The following SLC6A17 variants were observed in gnomAD, a reference collection of about 807,000 sequenced individuals.
The protein encoded by SLC6A17 is solute carrier family 6 member 17.
In SLC6A17, 21 loss-of-function variants were observed where a neutral mutation model predicts 64.5. That is an observed-to-expected ratio of 0.33 (90% CI 0.23 to 0.47). The LOEUF (loss-of-function observed/expected upper bound fraction) is 0.47, where lower values mean the gene tolerates loss of function less well. Ranked by LOEUF, SLC6A17 falls within the 20% of genes least tolerant of loss-of-function variation. SLC6A17 has a pLI of 1.00. For missense variants in SLC6A17, 682 were observed against 963.2 expected, an observed-to-expected ratio of 0.71 and a Z score of 3.86; for synonymous variants, 372 against 399.5, an observed-to-expected ratio of 0.93 and a Z score of 0.82.
chr1:110,188,477 AGAT>A (rs1442790619), intron 6 of SLC6A17, among the ~76,000 whole-genome samples: 1 of 152,208 alleles, frequency 6.6e-6, no homozygotes, highest in African/African-American at 2.4e-5. Flanking sequence ...CATCCCCAGC[AGAT>A]GATTTTGCCT....
intron 6 of SLC6A17, among the ~76,000 whole-genome samples, chr1:110,179,398 A>T (rs897060540): frequency 6.6e-6 from 1 of 152,218 alleles, no homozygotes; most frequent in Non-Finnish European, 1.5e-5. Context: ...CAAGCTGTAC[A>T]TGAAAATCCC....
At chr1:110,166,767 T>C in intron 1 of SLC6A17, 76 bp from the exon 2 acceptor site, 5 of 836,140 alleles carry the variant, frequency 6.0e-6, no homozygotes, top group Non-Finnish European at 8.9e-6. Context: ...GGAGTTAATT[T>C]GGGTTGTGTC....
At chr1:110,171,237 A>G (rs1451139359) in intron 2 of SLC6A17, among the ~76,000 whole-genome samples, 1 of 152,200 alleles carries the variant, frequency 6.6e-6, no homozygotes, top group African/African-American at 2.4e-5. Context: ...AGTGTTTGAC[A>G]GACAGGCAGG....
At chr1:110,173,889 C>G (rs12747833) in intron 3 of SLC6A17, 84 bp from the exon 4 acceptor site, 1 of 1,540,652 alleles carries the variant, frequency 6.5e-7, no homozygotes, top group African/African-American at 1.4e-5. Context: ...ATGGCGCTGC[C>G]GACGTGCTGG....
chr1:110,172,076 C>A lies in SLC6A17; in HGVS notation c.303C>A (p.Pro101=), dbSNP rs746434391. Residue 101 remains proline, a synonymous_variant, in exon 3 of 12, where the codon CCC becomes CCA. Coordinates refer to ENST00000331565, the MANE Select transcript of SLC6A17 (RefSeq NM_001010898.4). ...TCCCCACAGGTGCTTACCTGGTGCC[C>A]TACCTGGTGCTGCTGATCATCATCG... ...QKNGGGAYLV[P]YLVLLIIIGI... 3.7e-6 allele frequency: 6 copies of A among 1,614,002 alleles called. No homozygotes were observed. The highest frequency in any genetic ancestry group is 1.6e-4 in the Middle Eastern group (1 of 6,080).
At chr1:110,195,145 A>G (rs891778899) in intron 9 of SLC6A17, among the ~76,000 whole-genome samples, 3 of 152,096 alleles carry the variant, frequency 2.0e-5, no homozygotes, top group African/African-American at 7.2e-5. Flanking sequence ...GGCTGTGTCC[A>G]CAGTTCCCTT....
At chr1:110,185,621 G>T (rs1050657187) in intron 6 of SLC6A17, among the ~76,000 whole-genome samples, 16 of 152,338 alleles carry the variant, frequency 1.1e-4, no homozygotes, top group African/African-American at 3.6e-4. Flanking sequence ...CGAGGAGGGG[G>T]CGAGCCGCCT....
At chr1:110,188,156 A>G (rs567381272) in intron 6 of SLC6A17, among the ~76,000 whole-genome samples, 1 of 152,242 alleles carries the variant, frequency 6.6e-6, no homozygotes, top group Admixed American at 6.5e-5. Context: ...TGGGGGTGAT[A>G]TGTAATTAAG....
Position 110,197,471 on chromosome 1 carries a change from C to T in SLC6A17, c.1687C>T (p.Arg563Cys), listed in dbSNP as rs368410351. The T allele has an allele frequency of 1.6e-5, 26 of 1,613,320 alleles. No individual in the cohort carries two copies. Among genetic ancestry groups the T allele is most frequent in the Middle Eastern group, 3.3e-4 (2 of 6,080 alleles). Residue 563 changes from arginine (R) to cysteine (C), a missense_variant, in exon 11 of 12, where the codon CGC becomes TGC. By Grantham distance (180) the Arg-to-Cys change is radical (BLOSUM62 -3). Around this residue, in one of 3 missense-constraint regions of SLC6A17, gnomAD observed 264 missense variants for 339.5 expected, o/e 0.78. Transcript: ENST00000331565. Reference sequence around the variant, plus strand: ...GGAGCTGACGGAGATGCTGGGCTTCCGCCCCTACCGCTTCTATTTCTACAT... The same window carrying T: ...GGAGCTGACGGAGATGCTGGGCTTCTGCCCCTACCGCTTCTATTTCTACAT... ...MQELTEMLGF[R>C]PYRFYFYMWK...
At chr1:110,170,555 C>T (rs1656193734) in intron 2 of SLC6A17, among the ~76,000 whole-genome samples, 5 of 152,198 alleles carry the variant, frequency 3.3e-5, no homozygotes, top group Admixed American at 3.3e-4. Context: ...GCTTCTTTTC[C>T]ATTTCCCCAC....
intron 1 of SLC6A17, 119 bp from the exon 2 acceptor site, chr1:110,166,724 A>G: frequency 1.8e-6 from 1 of 552,734 alleles, no homozygotes; most frequent in Non-Finnish European, 3.1e-6. Flanking sequence ...AGCTGCATAT[A>G]TGAGGCCCTT....
intron 9 of SLC6A17, 98 bp downstream of exon 9, chr1:110,194,869 C>T (rs1252836719): frequency 2.8e-6 from 4 of 1,424,146 alleles, no homozygotes; most frequent in East Asian, 2.4e-5. Flanking sequence ...GACCCCACAC[C>T]CAGAAGGCTC....
chr1:110,176,849 T>C, intron 6 of SLC6A17, 110 bp downstream of exon 6: 6 of 954,328 alleles, frequency 6.3e-6, no homozygotes, highest in Non-Finnish European at 9.7e-6. Flanking sequence ...CTGCTATGTG[T>C]TGGGTATCGT....
intron 3 of SLC6A17, among the ~76,000 whole-genome samples, chr1:110,172,893 G>A (rs1008156264): frequency 1.3e-5 from 2 of 152,220 alleles, no homozygotes; most frequent in African/African-American, 4.8e-5. Context: ...AAGCCTACAG[G>A]GAACCATGCT....
In SLC6A17 at chr1:110,192,642, G is replaced by T; in HGVS notation, c.1243G>T (p.Asp415Tyr). The T allele has an allele frequency of 6.2e-7, 1 of 1,614,158 alleles. No individual in the cohort carries two copies. Among genetic ancestry groups the T allele is most frequent in the South Asian group, 1.1e-5 (1 of 91,068 alleles). The part of the protein sequence containing the change: ...MYNVIMTVKE[D>Y]QFSALGLDPC... ...CAATGTCATCATGACCGTGAAGGAG[G>T]ACCAGTTCTCAGCCCTGGGCCTTGA... The change falls in exon 8 of 12, where the codon GAC (aspartate) becomes TAC (tyrosine). Residue 415 changes from aspartate (D) to tyrosine (Y), a missense_variant. Around this residue, in one of 3 missense-constraint regions of SLC6A17, gnomAD observed 415 missense variants for 603.8 expected, o/e 0.69. Transcript: ENST00000331565. This position sits in a 1 kb window ranked among gnomAD's most constrained non-coding sequence, Gnocchi z 4.3.
At chr1:110,162,448 C>A (rs1043294584) in intron 1 of SLC6A17, among the ~76,000 whole-genome samples, 1 of 152,168 alleles carries the variant, frequency 6.6e-6, no homozygotes, top group African/African-American at 2.4e-5. Context: ...AACTGAGATC[C>A]GGAGAAGTTA....
intron 1 of SLC6A17, among the ~76,000 whole-genome samples, chr1:110,158,402 G>A (rs1204606841): frequency 6.6e-6 from 1 of 152,280 alleles, no homozygotes; most frequent in South Asian, 2.1e-4. Context: ...GGGCTTGCAC[G>A]TGCATGTCCC....
intron 6 of SLC6A17, among the ~76,000 whole-genome samples, chr1:110,190,602 C>T (rs1317394573): frequency 6.6e-6 from 1 of 152,192 alleles, no homozygotes; most frequent in Non-Finnish European, 1.5e-5. Flanking sequence ...TAGAGTCCAA[C>T]ACCTCACTGT....
chr1:110,159,795 A>T (rs1655860009), intron 1 of SLC6A17, among the ~76,000 whole-genome samples: 1 of 152,226 alleles, frequency 6.6e-6, no homozygotes, highest in Non-Finnish European at 1.5e-5. Flanking sequence ...GCATCAGAAT[A>T]TTGCATCAGA....
Sources: gnomAD v4.1 joint callset for allele counts (sites outside exome capture counted in the v4.1 genomes callset) on GRCh38, gnomAD v4.1.1 for gene constraint, gnomAD v4.1.1 regional missense constraint, Gnocchi (gnomAD v3.1) non-coding constraint, MANE v1.5 for transcripts, NCBI Gene and HGNC (gene_info 2026-07-23, HGNC 2026-07-21) for gene names.